The following SSPN variants were observed in gnomAD, a reference collection of about 807,000 sequenced individuals.
SSPN encodes K-ras oncogene-associated protein.
A neutral mutation model predicts 19.1 loss-of-function variants in SSPN; 15 were observed. That is an observed-to-expected ratio of 0.78 (90% CI 0.52 to 1.21). The LOEUF is 1.21. Among genes scored for constraint, SSPN ranks in the 50% most tolerant of loss-of-function variants. The pLI is 0.00. For missense variants in SSPN, 291 were observed against 314.0 expected (o/e 0.93, Z 0.55); for synonymous variants, 147 against 140.3 (o/e 1.05, Z -0.34).
chr12:26,196,780 T>C (rs1944834292), intron 1 of SSPN, among the ~76,000 whole-genome samples: 1 of 152,202 alleles, frequency 6.6e-6, no homozygotes, highest in African/African-American at 2.4e-5. Context: ...CATTCTCACT[T>C]CTCAAATGAG....
chr12:26,197,535 C>T (rs1944840728), intron 1 of SSPN, among the ~76,000 whole-genome samples: 1 of 152,160 alleles, frequency 6.6e-6, no homozygotes, highest in Non-Finnish European at 1.5e-5. Context: ...ATATCATTTG[C>T]AAATGTGTTC....
intron 1 of SSPN, among the ~76,000 whole-genome samples, chr12:26,223,560 A>C (rs944961231): frequency 3.4e-4 from 52 of 152,178 alleles, no homozygotes; most frequent in Admixed American, 6.5e-4. Context: ...CTTTCAGCAC[A>C]TTCTTTGTGC....
intron 1 of SSPN, among the ~76,000 whole-genome samples, chr12:26,182,602 CCCTTCCCTTCCCTTCCCTTCCCT>C (rs1944726226): frequency 2.1e-5 from 1 of 46,774 alleles, no homozygotes; most frequent in Non-Finnish European, 6.9e-5. Flanking sequence ...CCCTTCCCTT[CCCTTCCCTTCCCTTCCCTTCCCT>C]TCCCTTCCCT....
chr12:26,168,214 G>GAAAAAAAAAAAAA (rs60365188), intron 1 of SSPN, among the ~76,000 whole-genome samples: 1 of 117,556 alleles, frequency 8.5e-6, no homozygotes. Context: ...CCCTGTCTCA[G>GAAAAAAAAAAAAA]AAAAAAAAAA....
chr12:26,218,063 A>G (rs1349435797), intron 1 of SSPN, among the ~76,000 whole-genome samples: 2 of 150,946 alleles, frequency 1.3e-5, no homozygotes, highest in East Asian at 3.9e-4. Context: ...ACTTGGAACC[A>G]ACCCAAATGT....
intron 1 of SSPN, among the ~76,000 whole-genome samples, chr12:26,207,647 A>G (rs1944942691): frequency 6.6e-6 from 1 of 152,166 alleles, no homozygotes; most frequent in South Asian, 2.1e-4. Flanking sequence ...TTTATTTATA[A>G]TAGTACACAG....
intron 1 of SSPN, among the ~76,000 whole-genome samples, chr12:26,163,751 A>C (rs1385193883): frequency 6.6e-6 from 1 of 152,214 alleles, no homozygotes; most frequent in African/African-American, 2.4e-5. Flanking sequence ...TTTCAACATG[A>C]ATTTTGGAAG....
At chr12:26,124,924 G>A in intron 1 of SSPN, 1 of 846,412 alleles carries the variant, frequency 1.2e-6, no homozygotes, top group South Asian at 1.4e-5. Context: ...TGTTGAAAGT[G>A]TGAAGCAGTT....
chr12:26,213,060 G>GT (rs1228222859), intron 1 of SSPN, among the ~76,000 whole-genome samples: 1 of 151,350 alleles, frequency 6.6e-6, no homozygotes, highest in African/African-American at 2.4e-5. Context: ...AAACAATTGT[G>GT]TTTTTTAAAA....
intron 1 of SSPN, among the ~76,000 whole-genome samples, chr12:26,138,683 C>T (rs1417728970): frequency 6.6e-6 from 1 of 151,970 alleles, no homozygotes; most frequent in Non-Finnish European, 1.5e-5. Context: ...TTTTATTAGG[C>T]CCACATACTG....
chr12:26,122,506 A>AGG, intron 1 of SSPN: 1 of 1,299,982 alleles, frequency 7.7e-7, no homozygotes, highest in Non-Finnish European at 9.9e-7. Context: ...GGCTGCGGGA[A>AGG]GGGCGCGCCT....
intron 1 of SSPN, among the ~76,000 whole-genome samples, chr12:26,213,478 T>A (rs1945013989): frequency 6.6e-6 from 1 of 152,036 alleles, no homozygotes; most frequent in South Asian, 2.1e-4. Context: ...GACCCAGAGC[T>A]AACATGCATG....
chr12:26,184,787 G>A (rs56198343), intron 1 of SSPN, among the ~76,000 whole-genome samples: 46,758 of 151,914 alleles, frequency 0.31, 8,221 homozygotes, highest in African/African-American at 0.49. Flanking sequence ...GAGGAAGGGA[G>A]TAAAAACTTA....
chr12:26,197,098 A>G (rs1462584654), intron 1 of SSPN, among the ~76,000 whole-genome samples: 4 of 152,212 alleles, frequency 2.6e-5, no homozygotes, highest in Non-Finnish European at 5.9e-5. Flanking sequence ...ATGTGGTCGA[A>G]TCAAGAGAGA....
intron 1 of SSPN, among the ~76,000 whole-genome samples, chr12:26,208,061 A>G (rs144265884): frequency 6.6e-6 from 1 of 152,168 alleles, no homozygotes; most frequent in East Asian, 1.9e-4. Context: ...CTCTTGTTGA[A>G]GAAAATTTGT....
At chr12:26,211,252 A>T (rs1944983135) in intron 1 of SSPN, 1 of 152,182 alleles carries the variant, frequency 6.6e-6, no homozygotes, top group African/African-American at 2.4e-5. Flanking sequence ...AGCAGTTCCT[A>T]TCAAATATGA....
At chr12:26,188,242 C>A (rs1252700959) in intron 1 of SSPN, among the ~76,000 whole-genome samples, 2 of 152,078 alleles carry the variant, frequency 1.3e-5, no homozygotes, top group East Asian at 1.9e-4. Flanking sequence ...GTACTCATAA[C>A]CACATAAAAA....
chr12:26,172,403 T>C (rs780444233), intron 1 of SSPN, among the ~76,000 whole-genome samples: 7 of 152,222 alleles, frequency 4.6e-5, no homozygotes, highest in Non-Finnish European at 1.0e-4. Context: ...CCTTAGGTAG[T>C]TACCATCACA....
At chr12:26,212,859 A>C (rs892145049) in intron 1 of SSPN, among the ~76,000 whole-genome samples, 4 of 151,476 alleles carry the variant, frequency 2.6e-5, no homozygotes, top group Admixed American at 1.3e-4. Flanking sequence ...TGAAGAAAAA[A>C]CTTTTTTTTC....
Sources: gnomAD v4.1 joint callset for allele counts (sites outside exome capture counted in the v4.1 genomes callset) on GRCh38, gnomAD v4.1.1 for gene constraint, MANE v1.5 for transcripts, NCBI Gene and HGNC (gene_info 2026-07-23, HGNC 2026-07-21) for gene names.